BCAR3: variants seen among roughly 807,000 people sequenced by gnomAD.
The protein encoded by BCAR3 is breast cancer anti-estrogen resistance protein 3.
A neutral mutation model predicts 80.1 loss-of-function variants in BCAR3; 37 were observed. The observed-to-expected ratio is 0.46, with a 90% CI of 0.36 to 0.61. The LOEUF is 0.61. BCAR3 is among the 20% of genes least tolerant of loss of function. BCAR3 has a pLI of 0.00. For missense variants in BCAR3, 978 were observed against 1,068.2 expected, an observed-to-expected ratio of 0.92 and a Z score of 1.18; for synonymous variants, 389 against 418.9, an observed-to-expected ratio of 0.93 and a Z score of 0.87.
chr1:93,751,397 CA>C (rs1337979001), intron 2 of BCAR3, among the ~76,000 whole-genome samples: 3 of 152,094 alleles, frequency 2.0e-5, no homozygotes, highest in Non-Finnish European at 2.9e-5. Flanking sequence ...TTGCTACCTA[CA>C]ATACCCTTTT....
At chr1:93,845,482 A>G (rs1165637282) in intron 2 of BCAR3, 452 of 4,484 alleles carry the variant, frequency 0.1, 41 homozygotes, top group African/African-American at 0.34. Context: ...ATATATATAT[A>G]TATATATATA....
At chr1:93,831,032 G>A (rs1455410821) in intron 2 of BCAR3, among the ~76,000 whole-genome samples, 2 of 152,072 alleles carry the variant, frequency 1.3e-5, no homozygotes, top group Non-Finnish European at 2.9e-5. Context: ...TTTTATCCGT[G>A]GACCCAAAAC....
chr1:93,638,303 C>T (rs1675861516), intron 3 of BCAR3, among the ~76,000 whole-genome samples: 1 of 152,066 alleles, frequency 6.6e-6, no homozygotes, highest in Non-Finnish European at 1.5e-5. Context: ...TGGGGGGTCT[C>T]AGGGGATGTG....
At chr1:93,828,917 C>A (rs7545147) in intron 2 of BCAR3, among the ~76,000 whole-genome samples, 261 of 152,220 alleles carry the variant, frequency 1.7e-3, no homozygotes, top group African/African-American at 5.9e-3. Flanking sequence ...GTCTTGAACT[C>A]CTGGGCTCAA....
At chr1:93,778,605 G>T (rs776140617) in intron 2 of BCAR3, among the ~76,000 whole-genome samples, 4 of 151,790 alleles carry the variant, frequency 2.6e-5, no homozygotes, top group Non-Finnish European at 5.9e-5. Flanking sequence ...TGTTTCTAAC[G>T]CTTGTTGCAG....
chr1:93,758,963 T>C (rs1288495752), intron 2 of BCAR3, among the ~76,000 whole-genome samples: 2 of 152,184 alleles, frequency 1.3e-5, no homozygotes, highest in Non-Finnish European at 2.9e-5. Flanking sequence ...GTTCTGGGCC[T>C]GCATTTCCTA....
intron 2 of BCAR3, among the ~76,000 whole-genome samples, chr1:93,768,551 G>C (rs1187733207): frequency 6.6e-6 from 1 of 152,170 alleles, no homozygotes; most frequent in African/African-American, 2.4e-5. Context: ...CTGAATCTTG[G>C]TAACTAGGAG....
At chr1:93,658,679 T>C (rs1647505141) in intron 2 of BCAR3, among the ~76,000 whole-genome samples, 1 of 152,052 alleles carries the variant, frequency 6.6e-6, no homozygotes, top group African/African-American at 2.4e-5. Flanking sequence ...TTGAGCAAGT[T>C]TCTTGGATAT....
rs551737185 is a variant in BCAR3, at chr1:93,786,155, T to A, written c.-63+59412A>T. Among the ~76,000 whole-genome samples, 10 of 94,946 alleles carry A rather than the reference T, an allele frequency of 1.1e-4. No homozygotes were observed. The Admixed American group carries it at 1.5e-3, about 14-fold the overall frequency. 62.3% of individuals were successfully genotyped at this position (94,946 alleles called of 152,430 possible). A position where few individuals can be genotyped will look rare whatever the true frequency, so the allele number is the denominator to read the frequency against. On this transcript the variant is annotated intron_variant, in intron 2 of 13. Coordinates refer to the BCAR3 transcript ENST00000370244. Reference sequence around the variant, plus strand: ...TTGCAGTGAGCCGAGATCGCGCCACTGCACTCCCGCCTGGGCGTCAGAGCG... The same window carrying A: ...TTGCAGTGAGCCGAGATCGCGCCACAGCACTCCCGCCTGGGCGTCAGAGCG...
chr1:93,757,907 G>A (rs74101698), intron 2 of BCAR3, among the ~76,000 whole-genome samples: 17,828 of 152,276 alleles, frequency 0.12, 1,472 homozygotes, highest in African/African-American at 0.22. Context: ...ATGAGGGAGA[G>A]AAAGGAGGCT....
chr1:93,827,897 C>T (rs953126757), intron 2 of BCAR3, among the ~76,000 whole-genome samples: 1 of 152,148 alleles, frequency 6.6e-6, no homozygotes, highest in Non-Finnish European at 1.5e-5. Context: ...GCCTCAGAAG[C>T]AGCCCCAGTA....
chr1:93,699,035 G>A (rs778334444), intron 3 of BCAR3, among the ~76,000 whole-genome samples: 12 of 152,160 alleles, frequency 7.9e-5, no homozygotes, highest in East Asian at 1.9e-4. Flanking sequence ...CAGCGCAGGG[G>A]ACCTAGCTTT....
At chr1:93,607,703 A>G (rs1404409092) in intron 3 of BCAR3, among the ~76,000 whole-genome samples, 1 of 151,846 alleles carries the variant, frequency 6.6e-6, no homozygotes, top group Non-Finnish European at 1.5e-5. Context: ...GCTCCCGTAT[A>G]GGAAGCTCTT....
At chr1:93,673,507 G>A (rs1240549414) in intron 2 of BCAR3, among the ~76,000 whole-genome samples, 1 of 152,186 alleles carries the variant, frequency 6.6e-6, no homozygotes, top group Non-Finnish European at 1.5e-5. Flanking sequence ...GATCCAAGTG[G>A]CTTTGCGACA....
At chr1:93,806,563 A>G (rs12406729) in intron 2 of BCAR3, among the ~76,000 whole-genome samples, 21,514 of 152,088 alleles carry the variant, frequency 0.14, 2,481 homozygotes, top group African/African-American at 0.31. Context: ...TATTTGATGA[A>G]ATTCCTAGGA....
chr1:93,790,634 A>ATTTTT (rs67196746), intron 2 of BCAR3, among the ~76,000 whole-genome samples: 8 of 107,416 alleles, frequency 7.4e-5, no homozygotes, highest in African/African-American at 1.6e-4. Flanking sequence ...TTTTGTATTC[A>ATTTTT]TTTTTTTTTT....
At chr1:93,693,208 CT>C (rs757852671) in intron 3 of BCAR3, among the ~76,000 whole-genome samples, 5 of 152,246 alleles carry the variant, frequency 3.3e-5, no homozygotes, top group Non-Finnish European at 7.3e-5. Context: ...AGCAGTCATC[CT>C]TCTACCCAGT....
At chr1:93,827,245 T>C (rs933940104) in intron 2 of BCAR3, among the ~76,000 whole-genome samples, 1 of 152,186 alleles carries the variant, frequency 6.6e-6, no homozygotes, top group Non-Finnish European at 1.5e-5. Context: ...AACCTTTAGC[T>C]GGGAGACCAA....
chr1:93,795,427 C>T (rs1215691366), intron 2 of BCAR3, among the ~76,000 whole-genome samples: 1 of 105,912 alleles, frequency 9.4e-6, no homozygotes, highest in Non-Finnish European at 1.8e-5. Flanking sequence ...TGCTGATACC[C>T]TTTCTTCCAG....
Sources: gnomAD v4.1 joint callset for allele counts (sites outside exome capture counted in the v4.1 genomes callset) on GRCh38, gnomAD v4.1.1 for gene constraint, MANE v1.5 for transcripts, NCBI Gene and HGNC (gene_info 2026-07-23, HGNC 2026-07-21) for gene names.